The following MYOM1 variants were observed in gnomAD, a reference collection of about 807,000 sequenced individuals.
The protein encoded by MYOM1 is myomesin-1.
In MYOM1, 164 loss-of-function variants were observed where a neutral mutation model predicts 205.3. The observed-to-expected ratio is 0.80, with a 90% CI of 0.70 to 0.91. The LOEUF is 0.91. Among genes scored for constraint, MYOM1 ranks in the 40% least tolerant of loss-of-function variants. The pLI is 0.00. For synonymous variants in MYOM1, 772 were observed against 789.4 expected (o/e 0.98, Z 0.37); for missense variants, 2,011 against 2,127.3 (o/e 0.95, Z 1.08).
chr18:3,194,070 T>C lies in MYOM1; in HGVS notation c.291-112A>G, dbSNP rs986677419. ...GAAATTTTACCAAATCCTAGATCTC[T>C]AATGTTACAATTATCTCTTATCTTT... On this transcript the variant is annotated intron_variant, in intron 2 of 37. Coordinates refer to ENST00000356443, the MANE Select transcript of MYOM1 (RefSeq NM_003803.4). The C allele has an allele frequency of 8.5e-6, 9 of 1,053,868 alleles. No individual in the cohort carries two copies. In the African/African-American group the frequency reaches 1.1e-4, roughly 13 times the overall value. 65.3% of individuals were successfully genotyped at this position (1,053,868 alleles called of 1,614,324 possible). A position where few individuals can be genotyped will look rare whatever the true frequency, so the allele number is the denominator to read the frequency against.
intron 19 of MYOM1, among the ~76,000 whole-genome samples, chr18:3,124,580 C>T (rs535508144): frequency 5.3e-4 from 80 of 152,062 alleles, no homozygotes; most frequent in African/African-American, 1.5e-3. Context: ...CCACCTGCCT[C>T]GGCCTCCCAA....
intron 19 of MYOM1, among the ~76,000 whole-genome samples, chr18:3,121,769 A>G: frequency 6.6e-6 from 1 of 152,228 alleles, no homozygotes; most frequent in East Asian, 1.9e-4. Flanking sequence ...AATAGAAGGA[A>G]AAATTGAACA....
chr18:3,245,499 G>A, the MYOM1 span, among the ~76,000 whole-genome samples: 1 of 152,240 alleles, frequency 6.6e-6, no homozygotes, highest in Non-Finnish European at 1.5e-5. Context: ...AGAGGCCTTT[G>A]ATGGTGGGTC....
chr18:3,155,953 C>G (rs2080295963), intron 10 of MYOM1, among the ~76,000 whole-genome samples: 1 of 152,200 alleles, frequency 6.6e-6, no homozygotes, highest in Non-Finnish European at 1.5e-5. Context: ...ATACTCACAT[C>G]TGAGCTCAGT....
the MYOM1 span, among the ~76,000 whole-genome samples, chr18:3,244,506 C>A: frequency 6.6e-6 from 1 of 152,104 alleles, no homozygotes. Flanking sequence ...GAGATCCCAG[C>A]CATTTGGGAG....
At position 3,209,013 on chromosome 18, in the gene MYOM1, A is replaced by C. The variant is rs895955083; in HGVS notation, c.290+5921T>G. 5.3e-5 allele frequency among the ~76,000 whole-genome samples: 8 copies of C among 152,228 alleles called. No homozygotes were observed. The highest frequency in any genetic ancestry group is 1.9e-4 in the African/African-American group (8 of 41,460). The stretch of plus-strand genomic sequence containing the variant: ...TTTATTATTCAGATTCAGTCACTTC[A>C]GTCTCCAGATGGATTTGAGTCTCCA... On this transcript the variant is annotated intron_variant, in intron 2 of 37. Transcript: ENST00000356443. The surrounding 1 kb of genome is among the most constrained non-coding windows in gnomAD (Gnocchi z 4.0).
intron 11 of MYOM1, among the ~76,000 whole-genome samples, chr18:3,154,351 C>G (rs2080261555): frequency 1.3e-5 from 2 of 151,752 alleles, no homozygotes; most frequent in African/African-American, 2.4e-5. Flanking sequence ...TTGAATTTGA[C>G]TACCAGCTCA....
In MYOM1 at chr18:3,116,389, G is replaced by A. The variant is rs368707213; in HGVS notation, c.3245C>T (p.Ala1082Val). The A allele has an allele frequency of 3.1e-6, 5 of 1,613,438 alleles. No homozygotes were observed. Among genetic ancestry groups the A allele is most frequent in the East Asian group, 2.2e-5 (1 of 44,880 alleles). Residue 1082 changes from alanine (A) to valine (V), a missense_variant, in exon 21 of 38, where the codon GCC becomes GTC. Physicochemically the swap from Ala to Val is moderately conservative, Grantham distance 64 (BLOSUM62 0). Coordinates refer to ENST00000356443, the MANE Select transcript of MYOM1 (RefSeq NM_003803.4). ...GYFVDLKEAK[A>V]KEDQWRGLNE... ...GAGCCCTCGCCACTGGTCTTCTTTG[G>A]CCTTGGCCTCCTTCAAGTCCACGAA...
chr18:3,144,062 C>T (rs1338111228), intron 13 of MYOM1, among the ~76,000 whole-genome samples: 4 of 151,774 alleles, frequency 2.6e-5, no homozygotes, highest in Non-Finnish European at 2.9e-5. Context: ...AAAAATTAGC[C>T]GGGCATTGTG....
chr18:3,155,402 T>C (rs1368351990), intron 10 of MYOM1, among the ~76,000 whole-genome samples: 1 of 152,138 alleles, frequency 6.6e-6, no homozygotes, highest in African/African-American at 2.4e-5. Flanking sequence ...CTTTTTGTAT[T>C]TTTGGTAGAG....
At chr18:3,217,799 G>A (rs115087629) in intron 1 of MYOM1, among the ~76,000 whole-genome samples, 2,243 of 152,146 alleles carry the variant, frequency 0.015, 57 homozygotes, top group African/African-American at 0.051. Flanking sequence ...CCTGGGCAAC[G>A]TGGTGAGACC....
At chr18:3,120,057 G>C in intron 19 of MYOM1, 62 bp from the exon 20 acceptor site, 1 of 1,511,172 alleles carries the variant, frequency 6.6e-7, no homozygotes. Flanking sequence ...TTTTCTACTT[G>C]TTGAGCATTT....
At chr18:3,105,724 G>A (rs1233958465) in intron 22 of MYOM1, among the ~76,000 whole-genome samples, 3 of 152,090 alleles carry the variant, frequency 2.0e-5, no homozygotes, top group African/African-American at 7.2e-5. Flanking sequence ...GCGTGGTGGC[G>A]CATGTCTGTA....
chr18:3,158,896 G>A (rs1411721244), intron 10 of MYOM1, among the ~76,000 whole-genome samples: 1 of 152,190 alleles, frequency 6.6e-6, no homozygotes, highest in African/African-American at 2.4e-5. Context: ...TTACCGGCAT[G>A]AGCCACTGTG....
At chr18:3,145,564 G>T (rs368012669) in intron 13 of MYOM1, among the ~76,000 whole-genome samples, 4 of 151,986 alleles carry the variant, frequency 2.6e-5, no homozygotes, top group African/African-American at 9.6e-5. Context: ...TCAAAAAATT[G>T]GAAAGTATTT....
intron 15 of MYOM1, 97 bp from the exon 16 acceptor site, chr18:3,134,921 C>A: frequency 8.3e-7 from 1 of 1,210,130 alleles, no homozygotes; most frequent in Non-Finnish European, 1.2e-6. Context: ...TTACACACTT[C>A]GTCATGTCAA....
At chr18:3,142,508 T>C (rs1024421660) in intron 13 of MYOM1, among the ~76,000 whole-genome samples, 2 of 152,128 alleles carry the variant, frequency 1.3e-5, no homozygotes, top group African/African-American at 2.4e-5. Flanking sequence ...TGAGCTGAAG[T>C]GATCCTCCTG....
chr18:3,073,315 A>G (rs1246048548), intron 36 of MYOM1, among the ~76,000 whole-genome samples: 1 of 152,272 alleles, frequency 6.6e-6, no homozygotes, highest in East Asian at 1.9e-4. Context: ...GTCCCTGGAA[A>G]GGGCACCTTC....
chr18:3,235,058 G>T, the MYOM1 span, among the ~76,000 whole-genome samples: 3 of 151,818 alleles, frequency 2.0e-5, no homozygotes, highest in African/African-American at 7.3e-5. Context: ...CGCCTGGCCC[G>T]ACATACTTTT....
Sources: gnomAD v4.1 joint callset for allele counts (sites outside exome capture counted in the v4.1 genomes callset) on GRCh38, gnomAD v4.1.1 for gene constraint, Gnocchi (gnomAD v3.1) non-coding constraint, MANE v1.5 for transcripts, NCBI Gene and HGNC (gene_info 2026-07-23, HGNC 2026-07-21) for gene names.